TAF1: variants seen among roughly 807,000 people sequenced by gnomAD.
The protein encoded by TAF1 is TATA-box binding protein associated factor 1.
Under a neutral mutation model 138.5 loss-of-function variants are expected in TAF1, and 2 were observed. That is an observed-to-expected ratio of 0.01 (90% CI 0.01 to 0.05). The LOEUF (loss-of-function observed/expected upper bound fraction) is 0.05. Ranked by LOEUF, TAF1 falls within the 10% of genes least tolerant of loss-of-function variation. The pLI is 1.00. For synonymous variants in TAF1, 437 were observed against 503.2 expected (o/e 0.87, Z 1.76); for missense variants, 709 against 1,478.0 (o/e 0.48, Z 8.53).
Position 71,366,449 on chromosome X carries a change from C to T in TAF1, c.75C>T (p.Asn25=), listed in dbSNP as rs2032481132. The T allele has an allele frequency of 1.7e-6, 2 of 1,145,342 alleles. No homozygotes were observed. The highest frequency in any genetic ancestry group is 3.9e-5 in the African/African-American group (2 of 51,002). 94.4% of individuals were successfully genotyped at this position (1,145,342 alleles called of 1,213,427 possible). A position where few individuals can be genotyped will look rare whatever the true frequency, so the allele number is the denominator to read the frequency against. Residue 25 remains asparagine (N), a synonymous_variant, in exon 1 of 38, where the codon AAC becomes AAT. Transcript: ENST00000423759. ...CTTTAGCGGGTTTCCTTTTCGGCAA[C>T]ATCAATGGAGCCGGGCAGCTGGAGG... ...PFSLAGFLFG[N]INGAGQLEGE... is the part of the protein sequence containing the mutation.
intron 13 of TAF1, among the ~76,000 whole-genome samples, chrX:71,524,668 T>C (rs900824058): frequency 3.3e-4 from 34 of 103,685 alleles, no homozygotes; most frequent in South Asian, 2.6e-3. Flanking sequence ...AATGGCTGGG[T>C]GTGGTGGCTC....
rs751051498 is a variant in TAF1, at chrX:71,393,297, G to A, written c.3052-4G>A. The A allele has an allele frequency of 1.4e-5, 16 of 1,165,432 alleles. No homozygotes were observed. Among genetic ancestry groups the A allele is most frequent in the Middle Eastern group, 2.4e-4 (1 of 4,154 alleles). On this transcript the variant is annotated splice_region_variant and splice_polypyrimidine_tract_variant and intron_variant, in intron 20 of 37. Transcript: ENST00000423759. Reference sequence around the variant, plus strand: ...ATATTTGTGTGTGGCTATTTGTCTCGTAGATTAAAAAGTTGTCCCGCTGGG... The same window carrying A: ...ATATTTGTGTGTGGCTATTTGTCTCATAGATTAAAAAGTTGTCCCGCTGGG...
intron 13 of TAF1, among the ~76,000 whole-genome samples, chrX:71,484,551 C>T (rs1186584789): frequency 1.8e-5 from 2 of 111,085 alleles, no homozygotes; most frequent in Non-Finnish European, 3.8e-5. Context: ...AGGCTGGTCT[C>T]GAACTCCTGA....
chrX:71,473,979 T>C (rs2038935279), intron 13 of TAF1, among the ~76,000 whole-genome samples: 1 of 110,695 alleles, frequency 9.0e-6, no homozygotes, highest in Non-Finnish European at 1.9e-5. Flanking sequence ...ACTACGTCTC[T>C]ATTAAAAGTA....
chrX:71,377,251 T>C lies in TAF1; in HGVS notation c.714+60T>C, dbSNP rs1285665473. 4 of 1,189,275 alleles carry C rather than the reference T, an allele frequency of 3.4e-6. No homozygotes were observed. In the East Asian group the frequency reaches 8.9e-5, roughly 27 times the overall value. On this transcript the variant is annotated intron_variant, in intron 5 of 37. Coordinates refer to ENST00000423759, the MANE Select transcript of TAF1 (RefSeq NM_004606.5). ...ACTGACCTCTTCCAAATAATGAGTT[T>C]TGTTGTTAAGATGCTGAGTATGGAA...
intron 13 of TAF1, among the ~76,000 whole-genome samples, chrX:71,484,367 C>T (rs749806799): frequency 9.4e-6 from 1 of 106,062 alleles, no homozygotes; most frequent in South Asian, 4.2e-4. Context: ...GGGTCTTGCT[C>T]TGTCACCCAA....
intron 13 of TAF1, among the ~76,000 whole-genome samples, chrX:71,505,241 A>T (rs1393139180): frequency 8.9e-6 from 1 of 111,838 alleles, no homozygotes; most frequent in East Asian, 2.8e-4. Flanking sequence ...ATGCAGAAGG[A>T]TTCCAAGTAA....
In TAF1 at chrX:71,452,309, C is replaced by T. The variant is rs752778944; in HGVS notation, c.4754-1861C>T. Among the ~76,000 whole-genome samples the T allele has an allele frequency of 6.2e-3, 666 of 108,045 alleles. 10 individuals carry two copies. The highest frequency in any genetic ancestry group is 0.021 in the African/African-American group (615 of 29,465). 93.8% of individuals were successfully genotyped at this position (108,045 alleles called of 115,157 possible). On this transcript the variant is annotated intron_variant, in intron 32 of 37. Coordinates refer to ENST00000423759, the MANE Select transcript of TAF1 (RefSeq NM_004606.5). ...GGGGCTCCTCACTTCTCAGACGGGG[C>T]GGTTGCCGGGCGGAGGGTCTCCTCA...
At chrX:71,417,566 A>G (rs1268088863) in intron 28 of TAF1, among the ~76,000 whole-genome samples, 1 of 109,487 alleles carries the variant, frequency 9.1e-6, no homozygotes, top group African/African-American at 3.3e-5. Context: ...GTTTCGTCAC[A>G]TTGCCCAGGC....
intron 32 of TAF1, among the ~76,000 whole-genome samples, chrX:71,450,890 T>C (rs5981113): frequency 0.076 from 8,451 of 111,744 alleles, 700 homozygotes; most frequent in African/African-American, 0.25. Context: ...ATAAGCAGAC[T>C]TGGGAGGGAC....
chrX:71,499,747 C>G (rs1023832001), intron 13 of TAF1, among the ~76,000 whole-genome samples: 2 of 111,533 alleles, frequency 1.8e-5, no homozygotes, highest in Non-Finnish European at 3.8e-5. Flanking sequence ...GGCTGTCATT[C>G]TATCATTCAC....
intron 13 of TAF1, among the ~76,000 whole-genome samples, chrX:71,523,560 T>C (rs1055378743): frequency 2.7e-5 from 3 of 112,361 alleles, no homozygotes; most frequent in Non-Finnish European, 5.6e-5. Context: ...ATTATGGCTA[T>C]ACAAAGCACA....
At chrX:71,451,703 G>A (rs1372386191) in intron 32 of TAF1, among the ~76,000 whole-genome samples, 13 of 109,907 alleles carry the variant, frequency 1.2e-4, no homozygotes, top group South Asian at 1.2e-3. Context: ...GCCTTCAAGC[G>A]TCTGTTTAAC....
At chrX:71,389,548 A>T (rs747418480) in intron 17 of TAF1, 37 bp from the exon 18 acceptor site, 18 of 1,141,126 alleles carry the variant, frequency 1.6e-5, no homozygotes, top group Non-Finnish European at 2.1e-5. Context: ...TGTGTTTTTT[A>T]ACTGACTGAT....
chrX:71,444,813 C>T (rs1331507565), intron 32 of TAF1, among the ~76,000 whole-genome samples: 2 of 110,286 alleles, frequency 1.8e-5, no homozygotes, highest in Non-Finnish European at 3.8e-5. Context: ...AGCTCACTGC[C>T]AGCTCCGCCT....
intron 13 of TAF1, among the ~76,000 whole-genome samples, chrX:71,496,659 C>G (rs188108994): frequency 0.031 from 3,436 of 109,938 alleles, 74 homozygotes; most frequent in Non-Finnish European, 0.05. Flanking sequence ...CTTTGACTTT[C>G]TGTCTCTCTC....
intron 14 of TAF1, among the ~76,000 whole-genome samples, chrX:71,386,464 T>C (rs2034236428): frequency 8.9e-6 from 1 of 111,985 alleles, no homozygotes; most frequent in Non-Finnish European, 1.9e-5. Flanking sequence ...CATTGGTTGT[T>C]TTATGATTTA....
chrX:71,437,083 T>A (rs1421595134), intron 32 of TAF1, among the ~76,000 whole-genome samples: 3 of 112,147 alleles, frequency 2.7e-5, no homozygotes, highest in Non-Finnish European at 3.8e-5. Flanking sequence ...TTGTTGCTTT[T>A]GAATTTCTCA....
At chrX:71,502,943 G>GA (rs1221903326) in intron 13 of TAF1, among the ~76,000 whole-genome samples, 1,790 of 99,821 alleles carry the variant, frequency 0.018, 44 homozygotes, top group African/African-American at 0.062. Flanking sequence ...TCTCAAAAAA[G>GA]AAAAAAAAAA....
Sources: allele counts gnomAD v4.1 joint callset (sites outside exome capture counted in the v4.1 genomes callset), GRCh38; gene constraint gnomAD v4.1.1; transcripts MANE v1.5; gene names NCBI Gene and HGNC (gene_info 2026-07-23, HGNC 2026-07-21).